RANBP17: variants seen among roughly 807,000 people sequenced by gnomAD.
The protein encoded by RANBP17 is ran-binding protein 17.
Under a neutral mutation model 141.2 loss-of-function variants are expected in RANBP17, and 158 were observed. That is an observed-to-expected ratio of 1.12 (90% CI 0.98 to 1.28). The LOEUF is 1.28. Among genes scored for constraint, RANBP17 ranks in the 50% most tolerant of loss-of-function variants. The pLI, the probability that RANBP17 is intolerant of heterozygous loss-of-function variation, is 0.00. For synonymous variants in RANBP17, 430 were observed against 450.0 expected (o/e 0.96, Z 0.56); for missense variants, 1,438 against 1,290.7 (o/e 1.11, Z -1.75).
intron 21 of RANBP17, among the ~76,000 whole-genome samples, chr5:171,218,336 C>G (rs1170995710): frequency 1.3e-5 from 2 of 152,062 alleles, no homozygotes; most frequent in Non-Finnish European, 2.9e-5. Flanking sequence ...AGAATACATG[C>G]TTTGTGACAC....
intron 14 of RANBP17, among the ~76,000 whole-genome samples, chr5:171,124,639 T>C (rs533324170): frequency 2.6e-5 from 4 of 151,956 alleles, no homozygotes; most frequent in African/African-American, 9.7e-5. Context: ...AGTTAACATA[T>C]AAGGGAATGT....
chr5:171,055,880 C>CAAAAAAAAAAAA (rs72488636), intron 14 of RANBP17, among the ~76,000 whole-genome samples: 4 of 25,080 alleles, frequency 1.6e-4, no homozygotes, highest in African/African-American at 3.1e-4. Flanking sequence ...GTCCTGTTGC[C>CAAAAAAAAAAAA]AAAAAAAAAA....
intron 14 of RANBP17, among the ~76,000 whole-genome samples, chr5:171,123,642 G>T (rs569122052): frequency 6.6e-6 from 1 of 152,200 alleles, no homozygotes; most frequent in Non-Finnish European, 1.5e-5. Flanking sequence ...AAGGACTGGC[G>T]AACATGGCCT....
intron 22 of RANBP17, among the ~76,000 whole-genome samples, chr5:171,237,082 T>C (rs1410350756): frequency 6.6e-6 from 1 of 152,080 alleles, no homozygotes; most frequent in Non-Finnish European, 1.5e-5. Flanking sequence ...TTTAAAAAAA[T>C]ACACCTGAGA....
At chr5:170,942,004 G>A (rs1032946297) in intron 12 of RANBP17, among the ~76,000 whole-genome samples, 5 of 152,154 alleles carry the variant, frequency 3.3e-5, no homozygotes, top group African/African-American at 4.8e-5. Flanking sequence ...AGCAGGAGGC[G>A]AGCGGCAGGT....
chr5:171,169,346 A>G (rs1240239926), intron 14 of RANBP17, among the ~76,000 whole-genome samples: 1 of 152,198 alleles, frequency 6.6e-6, no homozygotes, highest in Non-Finnish European at 1.5e-5. Flanking sequence ...CCAGAGCATC[A>G]GGGAGTATGG....
intron 14 of RANBP17, among the ~76,000 whole-genome samples, chr5:171,106,058 C>T (rs1029475618): frequency 6.6e-6 from 1 of 152,120 alleles, no homozygotes; most frequent in Admixed American, 6.5e-5. Flanking sequence ...AAGTGACTGA[C>T]ATACAATTTT....
At chr5:171,034,548 C>G (rs991743942) in intron 14 of RANBP17, among the ~76,000 whole-genome samples, 3 of 152,178 alleles carry the variant, frequency 2.0e-5, no homozygotes, top group Non-Finnish European at 4.4e-5. Context: ...GTAAAACATC[C>G]TAATCAACCA....
intron 12 of RANBP17, among the ~76,000 whole-genome samples, chr5:170,932,355 A>C (rs1472054469): frequency 6.6e-6 from 1 of 152,216 alleles, no homozygotes; most frequent in Admixed American, 6.5e-5. Flanking sequence ...ATCTGCAAAC[A>C]GGGACAATTT....
chr5:171,112,564 G>A (rs546030278), intron 14 of RANBP17, among the ~76,000 whole-genome samples: 2 of 151,948 alleles, frequency 1.3e-5, no homozygotes, highest in Non-Finnish European at 2.9e-5. Flanking sequence ...TTTATAGACT[G>A]TCACCAGACT....
intron 3 of RANBP17, among the ~76,000 whole-genome samples, chr5:170,882,845 AAGT>A (rs1464971532): frequency 6.6e-6 from 1 of 152,212 alleles, no homozygotes; most frequent in Non-Finnish European, 1.5e-5. Flanking sequence ...GTGTGTATGT[AAGT>A]AGCTTGCATT....
intron 14 of RANBP17, among the ~76,000 whole-genome samples, chr5:170,985,364 A>T (rs1778075087): frequency 6.6e-6 from 1 of 152,222 alleles, no homozygotes; most frequent in Non-Finnish European, 1.5e-5. Flanking sequence ...CTTTAAAAAT[A>T]GACCCATAAA....
chr5:171,058,405 T>G (rs1222818329), intron 14 of RANBP17, among the ~76,000 whole-genome samples: 1 of 147,440 alleles, frequency 6.8e-6, no homozygotes, highest in African/African-American at 2.5e-5. Flanking sequence ...AGTGAGAACA[T>G]GCGGTGTTTG....
intron 11 of RANBP17, among the ~76,000 whole-genome samples, chr5:170,920,238 G>A (rs944451224): frequency 2.0e-5 from 3 of 152,062 alleles, no homozygotes; most frequent in East Asian, 3.8e-4. Flanking sequence ...AAAAGCTGCC[G>A]AACTATTTTC....
chr5:171,291,464 T>C (rs1768489380), intron 25 of RANBP17, among the ~76,000 whole-genome samples: 1 of 152,194 alleles, frequency 6.6e-6, no homozygotes, highest in Admixed American at 6.5e-5. Context: ...GAGCCCCAGC[T>C]CACGCAGCCA....
chr5:170,884,493 T>G (rs763450950), intron 3 of RANBP17, among the ~76,000 whole-genome samples: 2 of 152,048 alleles, frequency 1.3e-5, no homozygotes, highest in Non-Finnish European at 2.9e-5. Context: ...TACTATTCAT[T>G]AATGGAAGTG....
At chr5:171,057,966 C>G (rs1027562608) in intron 14 of RANBP17, among the ~76,000 whole-genome samples, 2 of 151,990 alleles carry the variant, frequency 1.3e-5, no homozygotes, top group Admixed American at 6.6e-5. Context: ...CAAACCATAT[C>G]ATATATTTTC....
chr5:171,191,587 T>A (rs1216383103), intron 18 of RANBP17, among the ~76,000 whole-genome samples: 1 of 151,840 alleles, frequency 6.6e-6, no homozygotes, highest in Non-Finnish European at 1.5e-5. Flanking sequence ...CTCGGGAGGC[T>A]GAGGCAGGAG....
At chr5:170,959,001 C>T (rs1388079295) in intron 13 of RANBP17, among the ~76,000 whole-genome samples, 1 of 152,154 alleles carries the variant, frequency 6.6e-6, no homozygotes, top group Non-Finnish European at 1.5e-5. Context: ...TGCTATCAGA[C>T]CTTGGCGATG....
Sources: gnomAD v4.1 joint callset for allele counts (sites outside exome capture counted in the v4.1 genomes callset) on GRCh38, gnomAD v4.1.1 for gene constraint, MANE v1.5 for transcripts, NCBI Gene and HGNC (gene_info 2026-07-23, HGNC 2026-07-21) for gene names.